SDK1: variants seen among roughly 807,000 people sequenced by gnomAD.
SDK1 encodes the protein protein sidekick-1.
Under a neutral mutation model 245.5 loss-of-function variants are expected in SDK1, and 157 were observed. The observed-to-expected ratio is 0.64, with a 90% CI of 0.56 to 0.73. The LOEUF is 0.73. Ranked by LOEUF, SDK1 falls within the 30% of genes least tolerant of loss-of-function variation. The probability of loss-of-function intolerance (pLI) is 0.00; values close to 1 mark genes in which losing one functional copy is unlikely to be tolerated. For missense variants in SDK1, 3,583 were observed against 3,002.3 expected (o/e 1.19, Z -4.52); for synonymous variants, 1,647 against 1,278.5 (o/e 1.29, Z -6.15).
At chr7:4,000,195 G>A (rs900341986) in intron 14 of SDK1, among the ~76,000 whole-genome samples, 9 of 152,180 alleles carry the variant, frequency 5.9e-5, no homozygotes, top group African/African-American at 1.9e-4. Flanking sequence ...TGAGGAAACC[G>A]GTCTGGGAAG....
At chr7:3,341,652 C>A (rs555671711) in intron 1 of SDK1, among the ~76,000 whole-genome samples, 41 of 152,260 alleles carry the variant, frequency 2.7e-4, no homozygotes, top group African/African-American at 9.1e-4. Flanking sequence ...TATACCCTAA[C>A]AAAAAATATG....
At chr7:3,384,806 A>G (rs1004991431) in intron 1 of SDK1, among the ~76,000 whole-genome samples, 2 of 152,362 alleles carry the variant, frequency 1.3e-5, no homozygotes, top group East Asian at 1.9e-4. Flanking sequence ...GCACACTTAC[A>G]TAGGTACACA....
intron 13 of SDK1, among the ~76,000 whole-genome samples, chr7:3,983,554 A>G (rs190039523): frequency 2.0e-5 from 3 of 152,368 alleles, no homozygotes; most frequent in South Asian, 2.1e-4. Context: ...AGACTGCAGT[A>G]GAGTATAAAC....
At chr7:3,536,521 C>G (rs1326910527) in intron 1 of SDK1, among the ~76,000 whole-genome samples, 2 of 151,150 alleles carry the variant, frequency 1.3e-5, no homozygotes, top group East Asian at 2.0e-4. Flanking sequence ...CTACTTAAAA[C>G]AAAACAAAAA....
chr7:3,848,207 T>C (rs190958210), intron 5 of SDK1, among the ~76,000 whole-genome samples: 62 of 152,376 alleles, frequency 4.1e-4, no homozygotes, highest in Admixed American at 4.0e-3. Context: ...CTATAAAATG[T>C]TAATTGGAAA....
chr7:4,116,534 A>G (rs1256487680), intron 25 of SDK1, among the ~76,000 whole-genome samples: 1 of 152,134 alleles, frequency 6.6e-6, no homozygotes, highest in African/African-American at 2.4e-5. Flanking sequence ...ACAGGTCTGA[A>G]CCTGCCGCCA....
In SDK1 at chr7:4,093,292, T is replaced by TA. The variant is rs149102450; in HGVS notation, c.3324+13709dup. On this transcript the variant is annotated intron_variant, in intron 22 of 44. Coordinates refer to ENST00000404826, the MANE Select transcript of SDK1 (RefSeq NM_152744.4). The stretch of plus-strand genomic sequence containing the variant: ...TGCCACTCCTGTTTGTCTGCTCAGT[T>TA]ACCTCTGTAAACCCCTGCCATTCGC... 5.8e-3 allele frequency among the ~76,000 whole-genome samples: 880 copies of TA among 152,226 alleles called. 33 individuals are homozygous for TA. The East Asian group carries it at 0.13, about 22-fold the overall frequency.
intron 4 of SDK1, among the ~76,000 whole-genome samples, chr7:3,719,491 A>T (rs1160011882): frequency 6.6e-6 from 1 of 152,178 alleles, no homozygotes; most frequent in African/African-American, 2.4e-5. Flanking sequence ...ACAGACCCAC[A>T]CGAATATGCC....
intron 22 of SDK1, among the ~76,000 whole-genome samples, chr7:4,106,776 T>G (rs541835228): frequency 6.6e-6 from 1 of 152,150 alleles, no homozygotes; most frequent in East Asian, 2.0e-4. Flanking sequence ...GCCTTACTGG[T>G]TCTCTTTCGT....
At chr7:3,993,370 C>A (rs1395082329) in intron 14 of SDK1, among the ~76,000 whole-genome samples, 1 of 152,000 alleles carries the variant, frequency 6.6e-6, no homozygotes, top group Non-Finnish European at 1.5e-5. Context: ...TTTTTTCAAC[C>A]TTAACACCTG....
At chr7:3,310,176 C>G (rs1423248819) in intron 1 of SDK1, among the ~76,000 whole-genome samples, 1 of 152,140 alleles carries the variant, frequency 6.6e-6, no homozygotes, top group Non-Finnish European at 1.5e-5. Flanking sequence ...TGGCTGAAAC[C>G]CAGCTGTCAC....
intron 5 of SDK1, among the ~76,000 whole-genome samples, chr7:3,909,336 C>T (rs1014410600): frequency 2.0e-5 from 3 of 152,162 alleles, no homozygotes; most frequent in African/African-American, 4.8e-5. Context: ...GGCTGCGGGG[C>T]GGACACCCCA....
chr7:3,729,814 TATTTAAGAACCGAGAAA>T (rs960510001), intron 4 of SDK1, among the ~76,000 whole-genome samples: 1 of 152,020 alleles, frequency 6.6e-6, no homozygotes, highest in African/African-American at 2.4e-5. Flanking sequence ...GAGCTCTTAT[TATTTAAGAACCGAGAAA>T]ATCCTCGGTT....
chr7:3,803,485 A>G (rs1304904407), intron 4 of SDK1, among the ~76,000 whole-genome samples: 1 of 150,814 alleles, frequency 6.6e-6, no homozygotes, highest in Non-Finnish European at 1.5e-5. Context: ...TAATTTTTGT[A>G]TTTTTAGTAG....
At chr7:3,562,119 T>C (rs920150073) in intron 1 of SDK1, among the ~76,000 whole-genome samples, 1 of 152,198 alleles carries the variant, frequency 6.6e-6, no homozygotes, top group Admixed American at 6.5e-5. Flanking sequence ...TCAGAGCCAG[T>C]GTTCACCTGG....
intron 1 of SDK1, among the ~76,000 whole-genome samples, chr7:3,576,303 C>T (rs1235215805): frequency 1.3e-5 from 2 of 152,130 alleles, no homozygotes; most frequent in African/African-American, 4.8e-5. Flanking sequence ...TGGCCACACC[C>T]AGGTGAAAGC....
intron 1 of SDK1, among the ~76,000 whole-genome samples, chr7:3,588,694 G>A (rs1308646009): frequency 6.6e-6 from 1 of 152,120 alleles, no homozygotes; most frequent in East Asian, 1.9e-4. Flanking sequence ...AAATTGAGCA[G>A]GTTTTATCAA....
chr7:3,308,610 T>A (rs1334526535), intron 1 of SDK1, among the ~76,000 whole-genome samples: 1 of 152,146 alleles, frequency 6.6e-6, no homozygotes, highest in Non-Finnish European at 1.5e-5. Flanking sequence ...TGGGTAAGAC[T>A]ATAGTTTCTG....
chr7:3,966,817 G>A (rs1213181146), intron 9 of SDK1, among the ~76,000 whole-genome samples: 3 of 151,926 alleles, frequency 2.0e-5, no homozygotes, highest in South Asian at 2.1e-4. Flanking sequence ...TCCCAAGTAC[G>A]TGGGACTATA....
Sources: allele counts gnomAD v4.1 joint callset (sites outside exome capture counted in the v4.1 genomes callset), GRCh38; gene constraint gnomAD v4.1.1; transcripts MANE v1.5; gene names NCBI Gene and HGNC (gene_info 2026-07-23, HGNC 2026-07-21).